Variants in ST6GALNAC3 observed in about 807,000 individuals in gnomAD.
ST6GALNAC3 encodes the protein alpha-N-acetylgalactosaminide alpha-2,6-sialyltransferase 3.
ST6GALNAC3 carries 25 observed loss-of-function variants against 32.7 expected under a neutral mutation model. The ratio of observed to expected loss-of-function variants is 0.76; its 90% CI spans 0.56 to 1.07. The LOEUF is 1.07. Among genes scored for constraint, ST6GALNAC3 ranks in the 50% least tolerant of loss-of-function variants. The pLI is 0.00. For synonymous variants in ST6GALNAC3, 129 were observed against 133.1 expected, an observed-to-expected ratio of 0.97 and a Z score of 0.21; for missense variants, 355 against 382.4, an observed-to-expected ratio of 0.93 and a Z score of 0.60.
Position 76,454,911 on chromosome 1 carries a change from A to G in ST6GALNAC3, c.623+42494A>G, listed in dbSNP as rs1413463506. ...AAAGTTTTCTTGAATTATTTACTTGATAATTTTCTCCTATGTATTTTTTTT... is the reference window on the plus strand; with the variant it reads ...AAAGTTTTCTTGAATTATTTACTTGGTAATTTTCTCCTATGTATTTTTTTT... On this transcript the variant is annotated intron_variant, in intron 3 of 4. Transcript: ENST00000328299. 2.2e-5 allele frequency among the ~76,000 whole-genome samples: 3 copies of G among 136,560 alleles called. No homozygotes were observed. The East Asian group carries it at 6.5e-4, about 29-fold the overall frequency. 89.6% of individuals were successfully genotyped at this position (136,560 alleles called of 152,430 possible).
chr1:76,105,507 T>TTTGAGATGTGTTA (rs60694649), intron 1 of ST6GALNAC3, among the ~76,000 whole-genome samples: 1 of 151,984 alleles, frequency 6.6e-6, no homozygotes, highest in African/African-American at 2.4e-5. Context: ...CATCCTGAGA[T>TTTGAGATGTGTTA]TAGGTCACAG....
chr1:76,590,215 G>A (rs1213382794), intron 3 of ST6GALNAC3, among the ~76,000 whole-genome samples: 2 of 152,120 alleles, frequency 1.3e-5, no homozygotes, highest in African/African-American at 2.4e-5. Context: ...GTTCTGAGCA[G>A]CTGCTCAACG....
chr1:76,514,685 G>A (rs1373811216), intron 3 of ST6GALNAC3, among the ~76,000 whole-genome samples: 1 of 152,100 alleles, frequency 6.6e-6, no homozygotes, highest in Non-Finnish European at 1.5e-5. Context: ...CCTTGCAAAA[G>A]CCAAGCATGC....
intron 1 of ST6GALNAC3, among the ~76,000 whole-genome samples, chr1:76,222,346 A>T (rs1655820640): frequency 6.6e-6 from 1 of 152,184 alleles, no homozygotes; most frequent in Admixed American, 6.6e-5. Context: ...CCTGGCAAAG[A>T]TTTCATGATG....
intron 3 of ST6GALNAC3, among the ~76,000 whole-genome samples, chr1:76,603,378 A>G (rs1428332658): frequency 1.3e-5 from 2 of 152,232 alleles, no homozygotes; most frequent in Admixed American, 6.5e-5. Context: ...GGATTTTACT[A>G]TGGTAGTAAA....
chr1:76,123,729 G>T (rs1010223420), intron 1 of ST6GALNAC3, among the ~76,000 whole-genome samples: 7 of 149,954 alleles, frequency 4.7e-5, no homozygotes, highest in African/African-American at 1.2e-4. Context: ...CATGCTCCAG[G>T]CCCAGGCCTA....
intron 3 of ST6GALNAC3, among the ~76,000 whole-genome samples, chr1:76,462,943 G>C (rs900742219): frequency 6.6e-6 from 1 of 151,848 alleles, no homozygotes; most frequent in African/African-American, 2.4e-5. Context: ...CTTATTGTTG[G>C]AAAAACACTG....
intron 1 of ST6GALNAC3, among the ~76,000 whole-genome samples, chr1:76,162,417 T>G (rs375745663): frequency 2.6e-5 from 4 of 152,220 alleles, no homozygotes; most frequent in African/African-American, 9.6e-5. Flanking sequence ...TATGACCTAA[T>G]GATTAATAAC....
chr1:76,281,221 A>T (rs1268111710), intron 1 of ST6GALNAC3, among the ~76,000 whole-genome samples: 1 of 152,188 alleles, frequency 6.6e-6, no homozygotes, highest in East Asian at 1.9e-4. Flanking sequence ...TTACCTTGAA[A>T]TCGATATAGA....
At chr1:76,305,190 CATA>C (rs1660973959) in intron 1 of ST6GALNAC3, among the ~76,000 whole-genome samples, 1 of 151,944 alleles carries the variant, frequency 6.6e-6, no homozygotes, top group Non-Finnish European at 1.5e-5. Context: ...GGGTCAGGTC[CATA>C]TCTAATCTTA....
At chr1:76,501,578 A>C (rs1661178144) in intron 3 of ST6GALNAC3, among the ~76,000 whole-genome samples, 1 of 152,196 alleles carries the variant, frequency 6.6e-6, no homozygotes, top group Non-Finnish European at 1.5e-5. Context: ...AAGAAAAAAA[A>C]CCACGCCTAA....
intron 1 of ST6GALNAC3, among the ~76,000 whole-genome samples, chr1:76,216,297 A>G (rs1197256084): frequency 1.3e-5 from 2 of 152,032 alleles, no homozygotes; most frequent in African/African-American, 2.4e-5. Context: ...CACACACACA[A>G]ATACGCATAT....
intron 1 of ST6GALNAC3, among the ~76,000 whole-genome samples, chr1:76,122,805 C>T (rs562347045): frequency 3.3e-5 from 5 of 152,272 alleles, no homozygotes; most frequent in African/African-American, 9.6e-5. Flanking sequence ...GCATCATTTC[C>T]ATCAGCTCAG....
At chr1:76,499,689 A>T (rs891162436) in intron 3 of ST6GALNAC3, among the ~76,000 whole-genome samples, 1 of 152,150 alleles carries the variant, frequency 6.6e-6, no homozygotes, top group African/African-American at 2.4e-5. Flanking sequence ...CAAATGTGCT[A>T]TGCTAATAGA....
chr1:76,179,296 G>T (rs751892507), intron 1 of ST6GALNAC3, among the ~76,000 whole-genome samples: 3 of 152,082 alleles, frequency 2.0e-5, no homozygotes, highest in Non-Finnish European at 4.4e-5. Context: ...TCAGCAAATG[G>T]CTTACTGTCC....
At chr1:76,111,604 T>C (rs1278293644) in intron 1 of ST6GALNAC3, among the ~76,000 whole-genome samples, 4 of 149,330 alleles carry the variant, frequency 2.7e-5, no homozygotes, top group Non-Finnish European at 5.9e-5. Context: ...AGTGTTTGTG[T>C]CCCTGGGTAC....
intron 3 of ST6GALNAC3, chr1:76,413,052 A>G: frequency 3.2e-6 from 1 of 309,530 alleles, no homozygotes; most frequent in South Asian, 2.8e-5. Context: ...TGCATTTTTT[A>G]TTACATCCAT....
Position 76,634,526 on chromosome 1 carries a change from G to A in ST6GALNAC3, c.*5720G>A, listed in dbSNP as rs1649449738. On this transcript the variant is annotated 3_prime_UTR_variant, in exon 5 of 5. Coordinates refer to ENST00000328299, the MANE Select transcript of ST6GALNAC3 (RefSeq NM_152996.4). ...AGTGTAAATGCACAGTTGTACGTTT[G>A]TTGAGAGTTTTTATGGCATTATAGT... The A allele has an allele frequency of 6.6e-6, 1 of 151,974 alleles. No homozygotes were observed. Among genetic ancestry groups the A allele is most frequent in the Non-Finnish European group, 1.5e-5 (1 of 67,988 alleles). The allele number at this position is 151,974 out of a possible 1,614,324, so 9.4% of individuals were successfully genotyped here.
chr1:76,574,257 A>G (rs528626395), intron 3 of ST6GALNAC3, among the ~76,000 whole-genome samples: 39 of 152,026 alleles, frequency 2.6e-4, no homozygotes, highest in African/African-American at 8.9e-4. Context: ...TATCTACAAT[A>G]ATGGATTATA....
Sources: allele counts gnomAD v4.1 joint callset (sites outside exome capture counted in the v4.1 genomes callset), GRCh38; gene constraint gnomAD v4.1.1; transcripts MANE v1.5; gene names NCBI Gene and HGNC (gene_info 2026-07-23, HGNC 2026-07-21).